PHLDB2: variants seen among roughly 807,000 people sequenced by gnomAD.
PHLDB2 encodes the protein pleckstrin homology-like domain family B member 2.
In PHLDB2, 71 loss-of-function variants were observed where a neutral mutation model predicts 123.6. The observed-to-expected ratio is 0.57, with a 90% CI of 0.47 to 0.70. The LOEUF (loss-of-function observed/expected upper bound fraction) is 0.70, where lower values mean the gene tolerates loss of function less well. PHLDB2 is among the 30% of genes least tolerant of loss of function. PHLDB2 has a pLI of 0.00. For missense variants in PHLDB2, 1,446 were observed against 1,519.5 expected (o/e 0.95, Z 0.80); for synonymous variants, 547 against 541.6 (o/e 1.01, Z -0.14).
At chr3:111,860,342 G>C (rs1372473984) in intron 1 of PHLDB2, among the ~76,000 whole-genome samples, 1 of 151,554 alleles carries the variant, frequency 6.6e-6, no homozygotes, top group Non-Finnish European at 1.5e-5. Flanking sequence ...GGCTGATTTC[G>C]ATTTGGCCTT....
intron 2 of PHLDB2, among the ~76,000 whole-genome samples, chr3:111,892,005 C>T (rs893827283): frequency 6.6e-6 from 1 of 152,164 alleles, no homozygotes; most frequent in Non-Finnish European, 1.5e-5. Flanking sequence ...TATTTTCTTT[C>T]TGACTGGTGA....
rs947071879 is a variant in PHLDB2, at chr3:111,974,843, T to C, written c.*280T>C. ...ATAGGAACATTTCTAATAAACTGTT[T>C]TTAATCAGTTGTCGGATTTGGTGAA... On this transcript the variant is annotated 3_prime_UTR_variant, in exon 18 of 18. Coordinates refer to ENST00000431670, the MANE Select transcript of PHLDB2 (RefSeq NM_001134438.2). 4.4e-6 allele frequency: 1 copy of C among 229,850 alleles called. No homozygotes were observed. The allele number at this position is 229,850 out of a possible 1,614,324, so 14.2% of individuals were successfully genotyped here.
At chr3:111,867,412 A>T (rs1486132660) in intron 1 of PHLDB2, among the ~76,000 whole-genome samples, 1 of 151,348 alleles carries the variant, frequency 6.6e-6, no homozygotes, top group African/African-American at 2.4e-5. Context: ...TTAAATGTAT[A>T]CTAAAATAAT....
intron 14 of PHLDB2, among the ~76,000 whole-genome samples, chr3:111,967,454 A>G (rs1367517806): frequency 2.0e-5 from 3 of 152,204 alleles, no homozygotes; most frequent in African/African-American, 7.2e-5. Context: ...TGAAGACCAC[A>G]ATTTAATTGT....
chr3:111,830,953 A>AAGAG (rs199823136), intron 1 of PHLDB2, among the ~76,000 whole-genome samples: 3 of 84,700 alleles, frequency 3.5e-5, no homozygotes, highest in Admixed American at 1.5e-4. Context: ...GAAAGAAAGA[A>AAGAG]AGAGAAAGAA....
upstream of PHLDB2, among the ~76,000 whole-genome samples, chr3:111,857,413 T>C (rs2064561530): frequency 6.9e-6 from 1 of 145,066 alleles, no homozygotes; most frequent in African/African-American, 2.6e-5. Context: ...ACTGTGCCAT[T>C]GCACTCCAAC....
At chr3:111,857,097 C>T (rs575228200), upstream of PHLDB2, among the ~76,000 whole-genome samples, 6 of 152,060 alleles carry the variant, frequency 3.9e-5, no homozygotes, top group African/African-American at 7.2e-5. Flanking sequence ...TGAGATAGAA[C>T]GGATTTACCT....
chr3:111,896,361 C>T (rs996069396), intron 2 of PHLDB2, among the ~76,000 whole-genome samples: 3 of 150,736 alleles, frequency 2.0e-5, no homozygotes, highest in African/African-American at 7.3e-5. Context: ...TTCCCCCGCC[C>T]CGAGACGGAG....
chr3:111,945,643 CA>C (rs2070248999), intron 9 of PHLDB2, among the ~76,000 whole-genome samples: 1 of 152,016 alleles, frequency 6.6e-6, no homozygotes, highest in African/African-American at 2.4e-5. Context: ...TCTGGGGTTT[CA>C]AAAACTTGAA....
At chr3:111,868,171 C>T (rs1373831351) in intron 1 of PHLDB2, among the ~76,000 whole-genome samples, 1 of 152,008 alleles carries the variant, frequency 6.6e-6, no homozygotes, top group Non-Finnish European at 1.5e-5. Context: ...AGGCATGCAC[C>T]ACCATGCCTG....
chr3:111,767,335 T>C (rs1355491710), intron 1 of PHLDB2, among the ~76,000 whole-genome samples: 1 of 152,224 alleles, frequency 6.6e-6, no homozygotes, highest in African/African-American at 2.4e-5. Context: ...TCTTGAACCC[T>C]TCATGTCAGT....
At chr3:111,867,391 T>G (rs1204712572) in intron 1 of PHLDB2, among the ~76,000 whole-genome samples, 1 of 152,088 alleles carries the variant, frequency 6.6e-6, no homozygotes, top group East Asian at 1.9e-4. Context: ...AATATTAAAC[T>G]ACACAAAAAT....
chr3:111,781,586 A>T (rs6786443), intron 1 of PHLDB2, among the ~76,000 whole-genome samples: 142,375 of 152,214 alleles, frequency 0.94, 66,643 homozygotes, highest in East Asian at 1. Flanking sequence ...CTTCTAAATA[A>T]TTGTGTCAAG....
At chr3:111,910,936 C>G (rs2067850128) in intron 2 of PHLDB2, among the ~76,000 whole-genome samples, 1 of 152,202 alleles carries the variant, frequency 6.6e-6, no homozygotes, top group Admixed American at 6.5e-5. Context: ...GTGATTCAAA[C>G]TTGAACAGAT....
intron 2 of PHLDB2, among the ~76,000 whole-genome samples, chr3:111,886,623 A>G (rs910845337): frequency 2.6e-5 from 4 of 152,204 alleles, no homozygotes; most frequent in Non-Finnish European, 4.4e-5. Flanking sequence ...TAGAGCAGTA[A>G]TCATTTGCAT....
chr3:111,931,727 A>G (rs919999634), intron 5 of PHLDB2, among the ~76,000 whole-genome samples: 3 of 152,218 alleles, frequency 2.0e-5, no homozygotes, highest in African/African-American at 7.2e-5. Flanking sequence ...AGTTTTCCAG[A>G]TAGCTAGAAC....
At chr3:111,847,654 C>A (rs1271248387) in intron 2 of PHLDB2, among the ~76,000 whole-genome samples, 1 of 127,152 alleles carries the variant, frequency 7.9e-6, no homozygotes, top group East Asian at 2.5e-4. Context: ...TCTTTAGGCT[C>A]TGCATCTTCC....
At chr3:111,793,174 G>A (rs760351897) in intron 1 of PHLDB2, among the ~76,000 whole-genome samples, 5 of 152,162 alleles carry the variant, frequency 3.3e-5, no homozygotes, top group Non-Finnish European at 7.3e-5. Flanking sequence ...CTTTGAGCAA[G>A]GGCCCAGGAT....
intron 1 of PHLDB2, among the ~76,000 whole-genome samples, chr3:111,843,364 G>A (rs145593956): frequency 1.3e-5 from 2 of 152,260 alleles, no homozygotes; most frequent in East Asian, 3.9e-4. Context: ...TATCTCCTTC[G>A]GAGCAATGTC....
Sources: gnomAD v4.1 joint callset for allele counts (sites outside exome capture counted in the v4.1 genomes callset) on GRCh38, gnomAD v4.1.1 for gene constraint, MANE v1.5 for transcripts, NCBI Gene and HGNC (gene_info 2026-07-23, HGNC 2026-07-21) for gene names.